The following RGS7 variants were observed in gnomAD, a reference collection of about 807,000 sequenced individuals.
The protein encoded by RGS7 is regulator of G-protein signaling 7.
In RGS7, 27 loss-of-function variants were observed where a neutral mutation model predicts 81.1. That is an observed-to-expected ratio of 0.33 (90% CI 0.25 to 0.46). The LOEUF is 0.46. Among genes scored for constraint, RGS7 ranks in the 20% least tolerant of loss-of-function variants. The pLI, the probability that RGS7 is intolerant of heterozygous loss-of-function variation, is 1.00. For synonymous variants in RGS7, 208 were observed against 207.7 expected, an observed-to-expected ratio of 1.00 and a Z score of -0.01; for missense variants, 396 against 607.4, an observed-to-expected ratio of 0.65 and a Z score of 3.66.
chr1:240,781,637 G>A (rs1684112480), intron 18 of RGS7, among the ~76,000 whole-genome samples: 1 of 152,136 alleles, frequency 6.6e-6, no homozygotes. Flanking sequence ...TCTGTGTGTG[G>A]TATAGATTTA....
intron 4 of RGS7, among the ~76,000 whole-genome samples, chr1:240,957,146 C>T (rs1680575310): frequency 6.6e-6 from 1 of 152,162 alleles, no homozygotes; most frequent in African/African-American, 2.4e-5. Context: ...ACCATCCAAT[C>T]GGCTGCTAGT....
intron 2 of RGS7, among the ~76,000 whole-genome samples, chr1:241,104,222 T>C (rs1376920677): frequency 2.6e-5 from 4 of 152,222 alleles, no homozygotes; most frequent in African/African-American, 9.6e-5. Context: ...TCTTCCTTCA[T>C]CGTTGTACTA....
chr1:240,875,911 C>A (rs1189549780), intron 6 of RGS7, among the ~76,000 whole-genome samples: 1 of 152,162 alleles, frequency 6.6e-6, no homozygotes, highest in Non-Finnish European at 1.5e-5. Context: ...TTGATACCAC[C>A]AGGGTGATCT....
chr1:241,143,732 T>C (rs912049969), intron 2 of RGS7, among the ~76,000 whole-genome samples: 21 of 152,188 alleles, frequency 1.4e-4, no homozygotes, highest in African/African-American at 4.6e-4. Flanking sequence ...ACCACTGCTA[T>C]GGTCTGAATG....
At position 240,914,070 on chromosome 1, in the gene RGS7, A is replaced by C. The variant is rs1367224207; in HGVS notation, c.385+16647T>G. On this transcript the variant is annotated intron_variant, in intron 6 of 18. Coordinates refer to ENST00000440928, the MANE Select transcript of RGS7 (RefSeq NM_001364886.1). The stretch of plus-strand genomic sequence containing the variant: ...AATGCTATCCCTCCCCCCTCCCCCC[A>C]CCCCACAACAGAATGATGATGAGAT... Among the ~76,000 whole-genome samples, 566 of 72,238 alleles carry C rather than the reference A, an allele frequency of 7.8e-3. 6 individuals are homozygous for C. Among genetic ancestry groups the C allele is most frequent in the African/African-American group, 0.029 (523 of 18,258 alleles). 47.4% of individuals were successfully genotyped at this position (72,238 alleles called of 152,430 possible). A position where few individuals can be genotyped will look rare whatever the true frequency, so the allele number is the denominator to read the frequency against.
At chr1:240,999,817 GT>G (rs1687867682) in intron 3 of RGS7, among the ~76,000 whole-genome samples, 1 of 151,678 alleles carries the variant, frequency 6.6e-6, no homozygotes, top group Admixed American at 6.6e-5. Flanking sequence ...CGGCCAGGCT[GT>G]TCCCAAACTC....
At chr1:241,064,327 G>A (rs182086464) in intron 3 of RGS7, among the ~76,000 whole-genome samples, 2 of 147,656 alleles carry the variant, frequency 1.4e-5, no homozygotes, top group African/African-American at 2.5e-5. Context: ...AGCTCCCATC[G>A]GTAATCCCAG....
intron 2 of RGS7, among the ~76,000 whole-genome samples, chr1:241,223,754 C>T (rs2148012811): frequency 6.6e-6 from 1 of 151,074 alleles, no homozygotes; most frequent in South Asian, 2.1e-4. Flanking sequence ...ATAAAGAAGA[C>T]CTTCTAATAA....
intron 14 of RGS7, among the ~76,000 whole-genome samples, chr1:240,807,380 G>A (rs904599968): frequency 3.3e-5 from 5 of 152,166 alleles, no homozygotes; most frequent in African/African-American, 4.8e-5. Context: ...AATAGTAGAC[G>A]AAGTCAAAGA....
intron 2 of RGS7, among the ~76,000 whole-genome samples, chr1:241,306,441 C>T (rs533119443): frequency 6.8e-6 from 1 of 148,036 alleles, no homozygotes; most frequent in Non-Finnish European, 1.5e-5. Flanking sequence ...TTTACACACA[C>T]CCCCACACAG....
At chr1:240,791,121 T>C (rs187704656) in intron 18 of RGS7, among the ~76,000 whole-genome samples, 4 of 152,268 alleles carry the variant, frequency 2.6e-5, no homozygotes, top group Admixed American at 6.5e-5. Context: ...GAACTTTTTT[T>C]CCCCCAGGAA....
At chr1:240,778,788 TC>T (rs1321645391) in intron 18 of RGS7, among the ~76,000 whole-genome samples, 1 of 152,196 alleles carries the variant, frequency 6.6e-6, no homozygotes, top group Non-Finnish European at 1.5e-5. Flanking sequence ...CGCCTTGGCC[TC>T]CCAAAGTGCT....
At chr1:241,327,123 AAAGAAAG>A (rs1558321541) in intron 2 of RGS7, among the ~76,000 whole-genome samples, 1 of 115,194 alleles carries the variant, frequency 8.7e-6, no homozygotes, top group South Asian at 3.0e-4. Context: ...AGAAAGAAAG[AAAGAAAG>A]AAAGAAAGAA....
At chr1:241,298,489 C>A (rs992625243) in intron 2 of RGS7, among the ~76,000 whole-genome samples, 1 of 152,154 alleles carries the variant, frequency 6.6e-6, no homozygotes, top group Non-Finnish European at 1.5e-5. Context: ...TCAGGAAGCC[C>A]TTCTCTACTT....
rs1425482376 is a variant in RGS7, at chr1:241,141,054, C to G, written c.79-42292G>C. ...AATGTAAAAGTTTTTTCCAGTTTCC[C>G]TAAAGTCATCTGAGCAGCTCTCCCT... On this transcript the variant is annotated intron_variant, in intron 2 of 18. Transcript: ENST00000440928. Among the ~76,000 whole-genome samples the G allele has an allele frequency of 3.3e-5, 5 of 152,134 alleles. No homozygotes were observed. In the East Asian group the frequency reaches 9.7e-4, roughly 29 times the overall value.
intron 2 of RGS7, among the ~76,000 whole-genome samples, chr1:241,331,444 A>G (rs981208799): frequency 6.6e-6 from 1 of 152,238 alleles, no homozygotes; most frequent in Non-Finnish European, 1.5e-5. Flanking sequence ...GGATTAAGTT[A>G]TTAATATATA....
At chr1:241,036,158 A>T (rs2060314221) in intron 3 of RGS7, among the ~76,000 whole-genome samples, 1 of 152,226 alleles carries the variant, frequency 6.6e-6, no homozygotes, top group African/African-American at 2.4e-5. Context: ...GAATACAAAC[A>T]TGACATTGTA....
chr1:240,993,086 G>C (rs540642856), intron 3 of RGS7, among the ~76,000 whole-genome samples: 1 of 52,950 alleles, frequency 1.9e-5, no homozygotes, highest in South Asian at 1.0e-3. Context: ...ACAGAAGGAA[G>C]GAAGGAAGGA....
chr1:240,802,134 T>C (rs989761410), intron 16 of RGS7, among the ~76,000 whole-genome samples: 2 of 152,178 alleles, frequency 1.3e-5, no homozygotes, highest in Non-Finnish European at 2.9e-5. Flanking sequence ...CTTTTAAAAA[T>C]CTTATTAGCC....
Sources: gnomAD v4.1 joint callset for allele counts (sites outside exome capture counted in the v4.1 genomes callset) on GRCh38, gnomAD v4.1.1 for gene constraint, MANE v1.5 for transcripts, NCBI Gene and HGNC (gene_info 2026-07-23, HGNC 2026-07-21) for gene names.